The following ELAPOR2 variants were observed in gnomAD, a reference collection of about 807,000 sequenced individuals.
The protein encoded by ELAPOR2 is endosome-lysosome associated apoptosis and autophagy regulator family member 2.
A neutral mutation model predicts 120.7 loss-of-function variants in ELAPOR2; 89 were observed. The observed-to-expected ratio is 0.74, with a 90% CI of 0.62 to 0.88. ELAPOR2 has a LOEUF of 0.88. Ranked by LOEUF, ELAPOR2 falls within the 40% of genes least tolerant of loss-of-function variation. The pLI is 0.00. For synonymous variants in ELAPOR2, 444 were observed against 444.9 expected (o/e 1.00, Z 0.03); for missense variants, 1,134 against 1,251.6 (o/e 0.91, Z 1.42).
At chr7:86,971,323 T>C (rs546410829) in intron 1 of ELAPOR2, among the ~76,000 whole-genome samples, 7 of 152,312 alleles carry the variant, frequency 4.6e-5, no homozygotes, top group African/African-American at 1.7e-4. Flanking sequence ...TAACCATGTA[T>C]TTCTCAGGAA....
chr7:87,052,241 G>A (rs572302117), intron 1 of ELAPOR2, among the ~76,000 whole-genome samples: 15 of 152,346 alleles, frequency 9.8e-5, no homozygotes, highest in Admixed American at 9.8e-4. Flanking sequence ...TATAGTTTCA[G>A]TGGCTAGGGA....
chr7:86,898,947 A>G (rs1788579465), intron 18 of ELAPOR2, among the ~76,000 whole-genome samples: 1 of 152,150 alleles, frequency 6.6e-6, no homozygotes, highest in Admixed American at 6.6e-5. Flanking sequence ...GAAGTGAAAA[A>G]CAAACCAACC....
intron 2 of ELAPOR2, among the ~76,000 whole-genome samples, chr7:86,957,443 G>A (rs1452994698): frequency 6.6e-6 from 1 of 152,192 alleles, no homozygotes; most frequent in African/African-American, 2.4e-5. Context: ...TAGGAGCCAT[G>A]AAAGGATTAT....
chr7:87,017,585 A>G (rs1793909648), intron 1 of ELAPOR2, among the ~76,000 whole-genome samples: 1 of 152,172 alleles, frequency 6.6e-6, no homozygotes, highest in African/African-American at 2.4e-5. Context: ...ATAAACACAT[A>G]TTTTTGTTTG....
At chr7:87,039,465 A>T (rs964399740) in intron 1 of ELAPOR2, among the ~76,000 whole-genome samples, 1 of 152,192 alleles carries the variant, frequency 6.6e-6, no homozygotes, top group African/African-American at 2.4e-5. Flanking sequence ...AAAAAAAACT[A>T]CAGGCCAATA....
At chr7:86,992,592 C>T (rs1792979785) in intron 1 of ELAPOR2, among the ~76,000 whole-genome samples, 1 of 152,090 alleles carries the variant, frequency 6.6e-6, no homozygotes, top group South Asian at 2.1e-4. Context: ...TTATCATTAC[C>T]TTATACTAAA....
chr7:86,909,919 T>C lies in ELAPOR2; in HGVS notation c.2252A>G (p.Asn751Ser). The change falls in exon 16 of 22, where the codon AAT becomes AGT. Residue 751 changes from asparagine (N) to serine (S), a missense_variant. Asn to Ser is a conservative substitution (Grantham distance 46, BLOSUM62 1). Coordinates refer to ENST00000450689, the MANE Select transcript of ELAPOR2 (RefSeq NM_001142749.3). The stretch of plus-strand genomic sequence containing the variant: ...CTGGCATACAAATGCCCCTACCAAA[T>C]TTGTGTAATCATCTGACCCTGCCAC... ...EIVAGSDDYT[N>S]LVGAFVCQST... is the part of the protein sequence containing the mutation. The C allele has an allele frequency of 6.2e-7, 1 of 1,613,446 alleles. No homozygotes were observed. The highest frequency in any genetic ancestry group is 8.5e-7 in the Non-Finnish European group (1 of 1,179,588).
At chr7:86,965,988 A>G (rs1394555413) in intron 1 of ELAPOR2, 1 of 984,212 alleles carries the variant, frequency 1.0e-6, no homozygotes, top group Admixed American at 6.2e-5. Flanking sequence ...TTTGCTAACA[A>G]TGACTGTCCT....
chr7:86,993,814 T>G lies in ELAPOR2; in HGVS notation c.190-28790A>C, dbSNP rs115752776. Among the ~76,000 whole-genome samples the G allele has an allele frequency of 8.1e-3, 1,230 of 152,316 alleles. 18 individuals are homozygous for G. The highest frequency in any genetic ancestry group is 0.028 in the African/African-American group (1,183 of 41,568). On this transcript the variant is annotated intron_variant, in intron 1 of 21. Transcript: ENST00000450689. ...ACAAACTAGTTTAATTACTAACTTC[T>G]AAATGAATCACAAGTTCATGTGTTC... is the stretch of plus-strand genomic sequence containing the variant.
In ELAPOR2 at chr7:86,964,971, T is replaced by C; in HGVS notation, c.243A>G (p.Arg81=). 1 of 1,551,548 alleles carries C rather than the reference T, an allele frequency of 6.4e-7. No homozygotes were observed. Among genetic ancestry groups the C allele is most frequent in the Non-Finnish European group, 8.7e-7 (1 of 1,146,850 alleles). The change falls in exon 2 of 22, where the codon AGA becomes AGG. Residue 81 remains arginine, a synonymous_variant. Transcript: ENST00000450689. The part of the protein sequence containing the change: ...TECDSSGSRW[R]VAIPNSAVDC... ...CCACTGCAGAATTTGGAATGGCAACTCTCCACCTGGAGCCACTGCTATCAC... is the reference window on the plus strand; with the variant it reads ...CCACTGCAGAATTTGGAATGGCAACCCTCCACCTGGAGCCACTGCTATCAC...
At chr7:86,907,857 T>G in intron 17 of ELAPOR2, 86 bp from the exon 18 acceptor site, 1 of 654,896 alleles carries the variant, frequency 1.5e-6, no homozygotes, top group Middle Eastern at 2.7e-4. Context: ...CTCTCAGACT[T>G]CATGAACAAA....
rs112623700 is a variant in ELAPOR2, at chr7:87,046,525, G to A, written c.189+12800C>T. On this transcript the variant is annotated intron_variant, in intron 1 of 21. Coordinates refer to ENST00000450689, the MANE Select transcript of ELAPOR2 (RefSeq NM_001142749.3). ...ACAGTTTGGCTCTGTGTCCCCACTC[G>A]AATCTCATTTCAAATTATAATCCCC... 4.5e-4 allele frequency among the ~76,000 whole-genome samples: 69 copies of A among 152,232 alleles called. No individual in the cohort carries two copies. In the East Asian group the frequency reaches 0.012, roughly 27 times the overall value.
intron 21 of ELAPOR2, among the ~76,000 whole-genome samples, chr7:86,884,877 T>C (rs1799612839): frequency 6.6e-6 from 1 of 152,080 alleles, no homozygotes; most frequent in Admixed American, 6.6e-5. Flanking sequence ...ATCATGCAAA[T>C]TTTAGATATA....
intron 1 of ELAPOR2, among the ~76,000 whole-genome samples, chr7:87,030,058 TA>T (rs1562975584): frequency 6.6e-6 from 1 of 152,006 alleles, no homozygotes; most frequent in Non-Finnish European, 1.5e-5. Context: ...ATTGAGGAAA[TA>T]AAGGTAAACA....
intron 16 of ELAPOR2, among the ~76,000 whole-genome samples, chr7:86,909,382 A>G (rs2116053110): frequency 6.6e-6 from 1 of 152,210 alleles, no homozygotes; most frequent in Admixed American, 6.6e-5. Flanking sequence ...AACATGAGGA[A>G]TCAAACTCAG....
At chr7:86,894,452 C>T (rs1294557767) in intron 19 of ELAPOR2, among the ~76,000 whole-genome samples, 1 of 151,962 alleles carries the variant, frequency 6.6e-6, no homozygotes, top group African/African-American at 2.4e-5. Flanking sequence ...AAAGACTGTA[C>T]CATCTTTGAT....
chr7:86,877,214 A>G lies in ELAPOR2; in HGVS notation c.*3257T>C, dbSNP rs1232883728. 1 of 152,190 alleles carries G rather than the reference A, an allele frequency of 6.6e-6. No individual in the cohort carries two copies. The highest frequency in any genetic ancestry group is 2.1e-4 in the South Asian group (1 of 4,830). 9.4% of individuals were successfully genotyped at this position (152,190 alleles called of 1,614,324 possible). ...TCATTTATGATTCTAAAAGGAACTCATGTAAAAATGTTAAAATAAAAGTAA... is the reference window on the plus strand; with the variant it reads ...TCATTTATGATTCTAAAAGGAACTCGTGTAAAAATGTTAAAATAAAAGTAA... On this transcript the variant is annotated 3_prime_UTR_variant, in exon 22 of 22. Coordinates refer to ENST00000450689, the MANE Select transcript of ELAPOR2 (RefSeq NM_001142749.3).
Position 86,994,830 on chromosome 7 carries a change from G to C in ELAPOR2, c.190-29806C>G, listed in dbSNP as rs1297006064. 2.0e-5 allele frequency among the ~76,000 whole-genome samples: 3 copies of C among 151,810 alleles called. No individual in the cohort carries two copies. The East Asian group carries it at 5.8e-4, about 29-fold the overall frequency. On this transcript the variant is annotated intron_variant, in intron 1 of 21. Transcript: ENST00000450689. ...TCTATGACCCAAGTAGAAGAGACAG[G>C]GCTACACTTCCTGACCCATACTTCA...
intron 12 of ELAPOR2, among the ~76,000 whole-genome samples, chr7:86,915,642 A>G (rs1314413042): frequency 6.6e-6 from 1 of 150,658 alleles, no homozygotes; most frequent in Non-Finnish European, 1.5e-5. Context: ...CCTGGCAGAA[A>G]TCCTGATAGA....
Sources: allele counts gnomAD v4.1 joint callset (sites outside exome capture counted in the v4.1 genomes callset), GRCh38; gene constraint gnomAD v4.1.1; transcripts MANE v1.5; gene names NCBI Gene and HGNC (gene_info 2026-07-23, HGNC 2026-07-21).